Variants in STON1 observed in about 807,000 individuals in gnomAD.
STON1 encodes the protein stonin-1.
Under a neutral mutation model 60.9 loss-of-function variants are expected in STON1, and 79 were observed. The observed-to-expected ratio is 1.30, with a 90% confidence interval of 1.08 to 1.56. The LOEUF (loss-of-function observed/expected upper bound fraction) is 1.56. Ranked by LOEUF, STON1 falls within the 40% of genes most tolerant of loss-of-function variation. STON1 has a pLI of 0.00. For synonymous variants in STON1, 363 were observed against 306.9 expected (o/e 1.18, Z -1.91); for missense variants, 1,166 against 858.9 (o/e 1.36, Z -4.47).
intron 1 of STON1, among the ~76,000 whole-genome samples, chr2:48,537,630 A>G (rs917241386): frequency 6.6e-6 from 1 of 151,982 alleles, no homozygotes; most frequent in Non-Finnish European, 1.5e-5. Context: ...GAGCTGATCA[A>G]CTGAGGTCAG....
Position 48,591,670 on chromosome 2 carries a change from T to C in STON1, c.1948T>C (p.Cys650Arg), listed in dbSNP as rs1013896658. ...DKNSSLDHPHCLSYKLELGSD... is the reference protein window; with the variant it reads ...DKNSSLDHPHRLSYKLELGSD... ...CCCTCGAGGTCTAGATCATCCCCAT[T>C]GTCTGTCATACAAATTAGAGCTTGG... Residue 650 changes from cysteine (C) to arginine (R), a missense_variant, in exon 3 of 4, where the codon TGT (cysteine) becomes CGT (arginine). By Grantham distance (180) the Cys-to-Arg change is radical. Transcript: ENST00000404752. 24 of 1,613,912 alleles carry C rather than the reference T, an allele frequency of 1.5e-5. No homozygotes were observed. The highest frequency in any genetic ancestry group is 1.7e-4 in the Middle Eastern group (1 of 5,986).
At chr2:48,547,416 T>A (rs1302476834) in intron 1 of STON1, among the ~76,000 whole-genome samples, 6 of 152,314 alleles carry the variant, frequency 3.9e-5, no homozygotes. Context: ...GGACCAGAGT[T>A]CGCCTAAAGT....
intron 1 of STON1, among the ~76,000 whole-genome samples, chr2:48,560,668 G>GC (rs1672571660): frequency 6.6e-6 from 1 of 152,160 alleles, no homozygotes; most frequent in African/African-American, 2.4e-5. Flanking sequence ...CGTTGCTAGG[G>GC]CTGCCAGAAA....
intron 2 of STON1, among the ~76,000 whole-genome samples, chr2:48,589,609 A>AT (rs1241710085): frequency 2.0e-5 from 3 of 152,216 alleles, no homozygotes; most frequent in Non-Finnish European, 2.9e-5. Context: ...GGCTTTTACC[A>AT]TTTTTAAAGA....
chr2:48,564,405 G>T lies in STON1; in HGVS notation c.-47-16182G>T, dbSNP rs181914009. On this transcript the variant is annotated intron_variant, in intron 1 of 3. Coordinates refer to ENST00000404752, the MANE Select transcript of STON1 (RefSeq NM_006873.4). The stretch of plus-strand genomic sequence containing the variant: ...TAGGTCCTCCAGTGGCAGTGGCGGT[G>T]TCTTCTTCTTCTTCTTCTTCTTCTT... Among the ~76,000 whole-genome samples the T allele has an allele frequency of 3.6e-4, 30 of 83,042 alleles. 1 individual carries two copies. Among genetic ancestry groups the T allele is most frequent in the East Asian group, 2.2e-3 (5 of 2,286 alleles). The allele number at this position is 83,042 out of a possible 152,430, so 54.5% of individuals were successfully genotyped here.
At chr2:48,532,644 C>G (rs1671259454) in intron 1 of STON1, among the ~76,000 whole-genome samples, 1 of 151,918 alleles carries the variant, frequency 6.6e-6, no homozygotes, top group Non-Finnish European at 1.5e-5. Context: ...AGCTTTTGCA[C>G]TATCTCATGA....
rs1674753854 is a variant in STON1, at chr2:48,595,610, TCA to T, written c.*309_*310del. 6.0e-6 allele frequency: 2 copies of T among 334,214 alleles called. No homozygotes were observed. The highest frequency in any genetic ancestry group is 1.1e-5 in the Non-Finnish European group (2 of 181,874). The allele number at this position is 334,214 out of a possible 1,614,324, so 20.7% of individuals were successfully genotyped here. ...CGCAGCCAGTATGATTTTTGATTAC[TCA>T]GTGGCTGACTGTTTTGCTCTCTGGA... On this transcript the variant is annotated 3_prime_UTR_variant, in exon 4 of 4. Coordinates refer to ENST00000404752, the MANE Select transcript of STON1 (RefSeq NM_006873.4).
intron 1 of STON1, among the ~76,000 whole-genome samples, chr2:48,547,743 A>G (rs1424477540): frequency 1.3e-5 from 2 of 152,254 alleles, no homozygotes; most frequent in Non-Finnish European, 1.5e-5. Context: ...CTCCCGGAGC[A>G]TAGATAGAAG....
At chr2:48,576,817 G>A (rs902616956) in intron 1 of STON1, among the ~76,000 whole-genome samples, 2 of 150,212 alleles carry the variant, frequency 1.3e-5, no homozygotes, top group Admixed American at 6.6e-5. Context: ...GCATTTTGGA[G>A]GCAGAGACGG....
chr2:48,587,349 A>G (rs769248180), intron 2 of STON1, among the ~76,000 whole-genome samples: 2 of 152,026 alleles, frequency 1.3e-5, no homozygotes, highest in African/African-American at 4.8e-5. Flanking sequence ...CTGGAGTGCA[A>G]TGGCACCATC....
intron 1 of STON1, among the ~76,000 whole-genome samples, chr2:48,560,419 C>T (rs1672561371): frequency 6.6e-6 from 1 of 152,134 alleles, no homozygotes; most frequent in South Asian, 2.1e-4. Flanking sequence ...GGGATAATGC[C>T]CTTTCTCATT....
In STON1 at chr2:48,587,526, C is replaced by T. The variant is rs182494264; in HGVS notation, c.1931-4127C>T. On this transcript the variant is annotated intron_variant, in intron 2 of 3. Transcript: ENST00000404752. ...CAGGCTGGTCTCAAACTCCTGACCT[C>T]GTGACCTGCCCAGTTTGGCCTCCCA... is the stretch of plus-strand genomic sequence containing the variant. Among the ~76,000 whole-genome samples the T allele has an allele frequency of 4.6e-5, 7 of 152,242 alleles. No homozygotes were observed. In the East Asian group the frequency reaches 7.7e-4, roughly 17 times the overall value.
intron 1 of STON1, among the ~76,000 whole-genome samples, chr2:48,564,482 T>TCTTC: frequency 3.9e-5 from 1 of 25,762 alleles, no homozygotes; most frequent in Non-Finnish European, 8.1e-5. Flanking sequence ...TCTTCTTCTT[T>TCTTC]CTTCTTCTTC....
chr2:48,560,905 A>G (rs781149109), intron 1 of STON1, among the ~76,000 whole-genome samples: 1 of 152,154 alleles, frequency 6.6e-6, no homozygotes, highest in African/African-American at 2.4e-5. Flanking sequence ...CAAGCCCCAA[A>G]GTCTCCCCTT....
rs1017232294 is a variant in STON1, at chr2:48,581,849, C to G, written c.1216C>G (p.Pro406Ala). 4 of 1,613,808 alleles carry G rather than the reference C, an allele frequency of 2.5e-6. No homozygotes were observed. In the Admixed American group the frequency reaches 5.0e-5, roughly 20 times the overall value. Reference protein sequence around the residue: ...ELMKLPAVSKPKKNYEEQEIS... With the variant: ...ELMKLPAVSKAKKNYEEQEIS... ...GATGAAGTTGCCAGCTGTTTCAAAA[C>G]CAAAAAAGAACTACGAGGAGCAAGA... The change falls in exon 2 of 4, where the codon CCA (proline) becomes GCA (alanine). Residue 406 changes from proline (P) to alanine (A), a missense_variant. Coordinates refer to ENST00000404752, the MANE Select transcript of STON1 (RefSeq NM_006873.4).
intron 1 of STON1, among the ~76,000 whole-genome samples, chr2:48,577,828 C>G (rs1252535211): frequency 6.6e-6 from 1 of 151,912 alleles, no homozygotes; most frequent in African/African-American, 2.4e-5. Context: ...GTTGCCCAGG[C>G]TGATCTCCAA....
chr2:48,585,561 T>C (rs1351625345), intron 2 of STON1, among the ~76,000 whole-genome samples: 1 of 152,302 alleles, frequency 6.6e-6, no homozygotes, highest in African/African-American at 2.4e-5. Context: ...TGCTTTCTTT[T>C]ATAACTTGGC....
chr2:48,550,188 A>C (rs1233625346), intron 1 of STON1, among the ~76,000 whole-genome samples: 2 of 152,118 alleles, frequency 1.3e-5, no homozygotes, highest in African/African-American at 2.4e-5. Context: ...TACTCAGTGA[A>C]TATAAATATA....
Position 48,591,636 on chromosome 2 carries a change from A to AT in STON1, c.1931-9dup, listed in dbSNP as rs748230154. The AT allele has an allele frequency of 9.3e-6, 15 of 1,610,180 alleles. No individual in the cohort carries two copies. The highest frequency in any genetic ancestry group is 6.6e-5 in the South Asian group (6 of 90,672). ...GCCATTAAAATACTTTGACTATTTG[A>AT]TTTTTTTTCCCTCGAGGTCTAGATC... On this transcript the variant is annotated splice_polypyrimidine_tract_variant and intron_variant, in intron 2 of 3. Transcript: ENST00000404752.
Sources: gnomAD v4.1 joint callset for allele counts (sites outside exome capture counted in the v4.1 genomes callset) on GRCh38, gnomAD v4.1.1 for gene constraint, MANE v1.5 for transcripts, NCBI Gene and HGNC (gene_info 2026-07-23, HGNC 2026-07-21) for gene names.